Variants in TSHZ2 observed in about 807,000 individuals in gnomAD.
TSHZ2 encodes the protein teashirt homolog 2.
Under a neutral mutation model 74.4 loss-of-function variants are expected in TSHZ2, and 21 were observed. The observed-to-expected ratio is 0.28, with a 90% CI of 0.20 to 0.41. The LOEUF (loss-of-function observed/expected upper bound fraction) is 0.41, where lower values mean the gene tolerates loss of function less well. TSHZ2 is among the 10% of genes least tolerant of loss of function. The pLI is 1.00. For synonymous variants in TSHZ2, 540 were observed against 515.3 expected, an observed-to-expected ratio of 1.05 and a Z score of -0.65; for missense variants, 1,244 against 1,293.5, an observed-to-expected ratio of 0.96 and a Z score of 0.59.
At chr20:53,406,214 G>T (rs1306456598) in intron 2 of TSHZ2, among the ~76,000 whole-genome samples, 1 of 152,042 alleles carries the variant, frequency 6.6e-6, no homozygotes, top group Non-Finnish European at 1.5e-5. Flanking sequence ...AAAAGAGCAG[G>T]TGGATGTGTC....
chr20:53,329,820 AAGAG>A (rs780744782), intron 2 of TSHZ2, among the ~76,000 whole-genome samples: 35 of 150,780 alleles, frequency 2.3e-4, no homozygotes, highest in South Asian at 6.3e-4. Context: ...AAGAAAGAGA[AAGAG>A]AGAGAGAGAG....
chr20:53,107,231 A>G (rs962054262), intron 1 of TSHZ2, among the ~76,000 whole-genome samples: 6 of 152,198 alleles, frequency 3.9e-5, no homozygotes, highest in African/African-American at 1.4e-4. Context: ...GTCTATCATC[A>G]TGGTTGAGAA....
intron 2 of TSHZ2, among the ~76,000 whole-genome samples, chr20:53,295,639 A>G (rs1379658379): frequency 1.3e-5 from 2 of 152,250 alleles, no homozygotes; most frequent in Non-Finnish European, 2.9e-5. Context: ...GGAAACCAGT[A>G]TAACTTAACA....
chr20:53,153,637 C>CT (rs1464707643), intron 1 of TSHZ2, among the ~76,000 whole-genome samples: 1 of 152,106 alleles, frequency 6.6e-6, no homozygotes, highest in Non-Finnish European at 1.5e-5. Flanking sequence ...CACCACTGGA[C>CT]TAAATGAATT....
chr20:53,384,397 C>G (rs1981968855), intron 2 of TSHZ2, among the ~76,000 whole-genome samples: 1 of 152,222 alleles, frequency 6.6e-6, no homozygotes, highest in African/African-American at 2.4e-5. Flanking sequence ...TTATTTAGAT[C>G]AAATTAAGAT....
chr20:53,470,669 T>C (rs770438803), intron 2 of TSHZ2, among the ~76,000 whole-genome samples: 6 of 151,940 alleles, frequency 3.9e-5, no homozygotes, highest in Non-Finnish European at 7.4e-5. Context: ...CAAAAATTAG[T>C]CAGGTGTGGT....
At chr20:53,113,430 G>C (rs1986586880) in intron 1 of TSHZ2, among the ~76,000 whole-genome samples, 1 of 152,106 alleles carries the variant, frequency 6.6e-6, no homozygotes, top group Non-Finnish European at 1.5e-5. Context: ...ATTTATTGTA[G>C]TTTATCGCTG....
chr20:53,276,231 G>A (rs928889011), intron 2 of TSHZ2, among the ~76,000 whole-genome samples: 5 of 145,400 alleles, frequency 3.4e-5, no homozygotes, highest in African/African-American at 1.4e-4. Context: ...TTAGCTCCAG[G>A]CCTGGCTCTT....
At chr20:53,247,781 A>T (rs1481705523) in intron 1 of TSHZ2, among the ~76,000 whole-genome samples, 1 of 152,200 alleles carries the variant, frequency 6.6e-6, no homozygotes, top group Non-Finnish European at 1.5e-5. Flanking sequence ...TTTTTAAATG[A>T]GGTCTTGGTT....
intron 2 of TSHZ2, among the ~76,000 whole-genome samples, chr20:53,272,310 G>A (rs945393985): frequency 1.3e-5 from 2 of 152,052 alleles, no homozygotes; most frequent in Admixed American, 6.6e-5. Context: ...GTGCCCGGCC[G>A]AGAAGTGGAC....
intron 1 of TSHZ2, among the ~76,000 whole-genome samples, chr20:53,250,115 A>G (rs1347357527): frequency 3.3e-5 from 5 of 152,178 alleles, no homozygotes; most frequent in Non-Finnish European, 7.3e-5. Flanking sequence ...GGGGAAATGG[A>G]TGAAACTGGA....
intron 1 of TSHZ2, among the ~76,000 whole-genome samples, chr20:53,117,917 G>A (rs1986713839): frequency 6.6e-6 from 1 of 152,168 alleles, no homozygotes; most frequent in Non-Finnish European, 1.5e-5. Flanking sequence ...GACTGAAATG[G>A]CACCTGGATG....
chr20:53,463,383 G>A (rs868741797), intron 2 of TSHZ2, among the ~76,000 whole-genome samples: 4 of 40,984 alleles, frequency 9.8e-5, no homozygotes, highest in Admixed American at 2.1e-4. Context: ...AGAGAGAGAG[G>A]AAGGAAGGAA....
chr20:53,384,851 G>A (rs903913106), intron 2 of TSHZ2, among the ~76,000 whole-genome samples: 3 of 152,116 alleles, frequency 2.0e-5, no homozygotes, highest in South Asian at 2.1e-4. Flanking sequence ...GGCTGGACGC[G>A]GTGGCTCACG....
chr20:53,220,562 T>C (rs894414509), intron 1 of TSHZ2, among the ~76,000 whole-genome samples: 12 of 152,234 alleles, frequency 7.9e-5, no homozygotes, highest in African/African-American at 2.2e-4. Flanking sequence ...TGCCCCTTTA[T>C]TGATGCATTG....
At chr20:52,983,675 C>T (rs1981648903) in intron 1 of TSHZ2, among the ~76,000 whole-genome samples, 1 of 152,252 alleles carries the variant, frequency 6.6e-6, no homozygotes, top group South Asian at 2.1e-4. Context: ...TGATTTTCGT[C>T]TGAATCTTGT....
At position 53,088,419 on chromosome 20, in the gene TSHZ2, T is replaced by C. The variant is rs533621821; in HGVS notation, c.40+115086T>C. 1.3e-4 allele frequency among the ~76,000 whole-genome samples: 20 copies of C among 152,292 alleles called. No individual in the cohort carries two copies. In the South Asian group the frequency reaches 3.9e-3, roughly 30 times the overall value. Reference sequence around the variant, plus strand: ...GGAAATCCTTTAAGGGCCCTGTTTGTTTCTGACTTTAAAGCACTAGCAACA... The same window carrying C: ...GGAAATCCTTTAAGGGCCCTGTTTGCTTCTGACTTTAAAGCACTAGCAACA... On this transcript the variant is annotated intron_variant, in intron 1 of 2. Coordinates refer to ENST00000371497, the MANE Select transcript of TSHZ2 (RefSeq NM_173485.6).
intron 2 of TSHZ2, among the ~76,000 whole-genome samples, chr20:53,455,105 C>A (rs1487627007): frequency 6.6e-6 from 1 of 151,740 alleles, no homozygotes; most frequent in Non-Finnish European, 1.5e-5. Flanking sequence ...TGATTAAAGC[C>A]TTTTTCTCTG....
chr20:53,172,588 G>C (rs8117961), intron 1 of TSHZ2, among the ~76,000 whole-genome samples: 18 of 151,286 alleles, frequency 1.2e-4, no homozygotes, highest in African/African-American at 3.9e-4. Flanking sequence ...GTCTAAGCTT[G>C]AATCGTTTGT....
Sources: gnomAD v4.1 joint callset for allele counts (sites outside exome capture counted in the v4.1 genomes callset) on GRCh38, gnomAD v4.1.1 for gene constraint, MANE v1.5 for transcripts, NCBI Gene and HGNC (gene_info 2026-07-23, HGNC 2026-07-21) for gene names.